The following SNRPN variants were observed in gnomAD, a reference collection of about 807,000 sequenced individuals.
SNRPN encodes the protein small nuclear ribonucleoprotein polypeptide N, also known as small nuclear ribonucleoprotein-associated protein N.
Under a neutral mutation model 25.2 loss-of-function variants are expected in SNRPN, and 7 were observed. The ratio of observed to expected loss-of-function variants is 0.28; its 90% CI spans 0.16 to 0.52. SNRPN has a LOEUF of 0.52. SNRPN is among the 20% of genes least tolerant of loss of function. The pLI is 0.96. For synonymous variants in SNRPN, 124 were observed against 110.6 expected (o/e 1.12, Z -0.76); for missense variants, 196 against 322.5 (o/e 0.61, Z 3.00).
intron 3 of SNRPN, among the ~76,000 whole-genome samples, chr15:24,924,479 T>C (rs1010597026): frequency 3.3e-5 from 5 of 152,016 alleles, no homozygotes; most frequent in African/African-American, 1.2e-4. Context: ...AGATAATCTG[T>C]CTTTAGATAA....
intron 1 of SNRPN, among the ~76,000 whole-genome samples, chr15:24,875,210 A>G (rs539327111): frequency 3.3e-5 from 5 of 152,172 alleles, no homozygotes; most frequent in African/African-American, 1.2e-4. Context: ...AATTCTCACA[A>G]CATTTCAAGA....
rs541864108 is a variant in SNRPN at position 24,932,929 on chromosome 15, G to A, written c.-391+12805G>A. Among the ~76,000 whole-genome samples the A allele has an allele frequency of 7.2e-5, 11 of 152,252 alleles. No individual in the cohort carries two copies. The South Asian group carries it at 1.9e-3, about 26-fold the overall frequency. ...CTCCCAAAGTGCTGGGATTACAGGCGTGAGCCCCCATGCCTGGCCAAGTCT... is the reference window on the plus strand; with the variant it reads ...CTCCCAAAGTGCTGGGATTACAGGCATGAGCCCCCATGCCTGGCCAAGTCT... On this transcript the variant is annotated intron_variant, in intron 3 of 11. Coordinates refer to the SNRPN transcript ENST00000400097.
chr15:24,953,546 C>T (rs1191666825), upstream of SNRPN, among the ~76,000 whole-genome samples: 1 of 152,174 alleles, frequency 6.6e-6, no homozygotes, highest in African/African-American at 2.4e-5. Flanking sequence ...TGGTCTCGAT[C>T]TCCTGACCTC....
intron 1 of SNRPN, among the ~76,000 whole-genome samples, chr15:24,961,716 TA>T (rs754091194): frequency 1.3e-5 from 2 of 152,346 alleles, no homozygotes; most frequent in East Asian, 3.9e-4. Flanking sequence ...TACTGTATCC[TA>T]AAAATATTTT....
At chr15:24,967,697 A>T (rs2075850007) in intron 2 of SNRPN, among the ~76,000 whole-genome samples, 1 of 150,938 alleles carries the variant, frequency 6.6e-6, no homozygotes, top group South Asian at 2.1e-4. Flanking sequence ...AATCCCAGCT[A>T]CTTGGGAGGC....
chr15:24,833,987 A>G (rs1294850038), intron 2 of SNRPN, among the ~76,000 whole-genome samples: 1 of 152,076 alleles, frequency 6.6e-6, no homozygotes, highest in Non-Finnish European at 1.5e-5. Context: ...GTGCAGTGGC[A>G]TGATATTGGC....
At chr15:24,907,919 G>C (rs1439025245) in intron 2 of SNRPN, among the ~76,000 whole-genome samples, 1 of 151,862 alleles carries the variant, frequency 6.6e-6, no homozygotes, top group African/African-American at 2.4e-5. Context: ...TGGGCATGGT[G>C]GTGGGCACCT....
At chr15:24,849,804 T>G (rs1483261796) in intron 2 of SNRPN, 2 of 152,216 alleles carry the variant, frequency 1.3e-5, no homozygotes, top group African/African-American at 2.4e-5. Flanking sequence ...TTGATCTAAA[T>G]GCAAATAGAT....
intron 3 of SNRPN, among the ~76,000 whole-genome samples, chr15:24,946,081 A>G (rs1388815518): frequency 6.6e-6 from 1 of 152,148 alleles, no homozygotes; most frequent in East Asian, 1.9e-4. Flanking sequence ...AAAACTTCTT[A>G]TGGAATAGAA....
intron 1 of SNRPN, among the ~76,000 whole-genome samples, chr15:24,859,091 C>T (rs2053738742): frequency 6.6e-6 from 1 of 152,130 alleles, no homozygotes; most frequent in African/African-American, 2.4e-5. Flanking sequence ...TTAGTTCAGA[C>T]TGTGCGACCT....
chr15:24,910,680 A>G (rs1009481832), intron 2 of SNRPN, among the ~76,000 whole-genome samples: 1 of 152,034 alleles, frequency 6.6e-6, no homozygotes, highest in Non-Finnish European at 1.5e-5. Flanking sequence ...TTTTTAGTAG[A>G]GATGGGGTTT....
chr15:24,839,757 C>T (rs1352416385), intron 2 of SNRPN, among the ~76,000 whole-genome samples: 1 of 151,868 alleles, frequency 6.6e-6, no homozygotes, highest in Non-Finnish European at 1.5e-5. Flanking sequence ...TGTCTTGGAG[C>T]CTTAGGCTCC....
chr15:24,963,905 A>G (rs2075238448), intron 2 of SNRPN, among the ~76,000 whole-genome samples: 1 of 151,900 alleles, frequency 6.6e-6, no homozygotes, highest in South Asian at 2.1e-4. Flanking sequence ...GGTGTTGTCT[A>G]CCTGTAGTCT....
chr15:24,841,414 A>G (rs2143138988), intron 2 of SNRPN, among the ~76,000 whole-genome samples: 1 of 152,280 alleles, frequency 6.6e-6, no homozygotes, highest in Middle Eastern at 3.4e-3. Flanking sequence ...ACAAGTACAT[A>G]AGCATTGTGT....
At chr15:24,857,245 C>T (rs1079207) in intron 1 of SNRPN, among the ~76,000 whole-genome samples, 23,044 of 152,164 alleles carry the variant, frequency 0.15, 1,843 homozygotes, top group East Asian at 0.3. Flanking sequence ...ATAGGAATGT[C>T]GTCATGTTGT....
intron 4 of SNRPN, 149 bp downstream of exon 4, chr15:24,974,605 G>T: frequency 2.5e-6 from 2 of 787,314 alleles, no homozygotes; most frequent in Non-Finnish European, 4.5e-6. Context: ...AGTATCAGCT[G>T]AAGATGAGCT....
At chr15:24,870,389 T>A (rs531678474) in intron 1 of SNRPN, among the ~76,000 whole-genome samples, 3 of 152,294 alleles carry the variant, frequency 2.0e-5, no homozygotes, top group African/African-American at 7.2e-5. Context: ...TATTTCCTCA[T>A]ATGTTCATAT....
intron 2 of SNRPN, among the ~76,000 whole-genome samples, chr15:24,910,344 A>G (rs1295109879): frequency 6.6e-6 from 1 of 152,150 alleles, no homozygotes; most frequent in Non-Finnish European, 1.5e-5. Context: ...TTAGCTGGGC[A>G]TGGTGGCACA....
chr15:24,967,808 GAAAAAAAAAA>G, intron 2 of SNRPN, 114 bp from the exon 3 acceptor site: 2 of 491,528 alleles, frequency 4.1e-6, no homozygotes, highest in Non-Finnish European at 3.4e-6. Flanking sequence ...ACCCTGTCTG[GAAAAAAAAAA>G]AAAAAAAAAA....
Sources: allele counts gnomAD v4.1 joint callset (sites outside exome capture counted in the v4.1 genomes callset), GRCh38; gene constraint gnomAD v4.1.1; transcripts MANE v1.5; gene names NCBI Gene and HGNC (gene_info 2026-07-23, HGNC 2026-07-21).